The following FRMPD1 variants were observed in gnomAD, a reference collection of about 807,000 sequenced individuals.
FRMPD1 encodes the protein FERM and PDZ domain-containing protein 1.
In FRMPD1, 76 loss-of-function variants were observed where a neutral mutation model predicts 117.8. The observed-to-expected ratio is 0.65, with a 90% CI of 0.54 to 0.78. FRMPD1 has a LOEUF of 0.78. FRMPD1 is among the 30% of genes least tolerant of loss of function. FRMPD1 has a pLI of 0.00. For missense variants in FRMPD1, 1,786 were observed against 1,964.5 expected (o/e 0.91, Z 1.72); for synonymous variants, 783 against 770.4 (o/e 1.02, Z -0.27).
At chr9:37,620,268 G>C in the FRMPD1 span, among the ~76,000 whole-genome samples, 1 of 152,220 alleles carries the variant, frequency 6.6e-6, no homozygotes, top group East Asian at 1.9e-4. Flanking sequence ...CAGCAGAGTA[G>C]AAGGAGCAGT....
At chr9:37,706,284 G>A (rs755179754) in intron 2 of FRMPD1, among the ~76,000 whole-genome samples, 4 of 152,130 alleles carry the variant, frequency 2.6e-5, no homozygotes, top group Non-Finnish European at 5.9e-5. Context: ...GGCTCTGTGA[G>A]ACAGTTTTTC....
the FRMPD1 span, among the ~76,000 whole-genome samples, chr9:37,643,895 C>A: frequency 2.0e-5 from 3 of 152,110 alleles, no homozygotes; most frequent in African/African-American, 7.2e-5. Context: ...TGGACACTCC[C>A]AGAATTAATA....
chr9:37,710,486 G>A (rs1262896976), intron 4 of FRMPD1, among the ~76,000 whole-genome samples: 3 of 152,136 alleles, frequency 2.0e-5, no homozygotes, highest in Non-Finnish European at 4.4e-5. Context: ...AGACAAAGAT[G>A]TCTACTATCT....
At chr9:37,658,255 T>G (rs1228335974) in intron 1 of FRMPD1, among the ~76,000 whole-genome samples, 1 of 152,028 alleles carries the variant, frequency 6.6e-6, no homozygotes, top group East Asian at 1.9e-4. Flanking sequence ...TAGCACAGCC[T>G]GAGGCCAGTT....
chr9:37,611,832 T>A, the FRMPD1 span, among the ~76,000 whole-genome samples: 1 of 152,066 alleles, frequency 6.6e-6, no homozygotes, highest in Non-Finnish European at 1.5e-5. Flanking sequence ...ATGTCTATCT[T>A]CTGTATTCTT....
intron 1 of FRMPD1, among the ~76,000 whole-genome samples, chr9:37,657,460 C>A (rs917001569): frequency 6.6e-6 from 1 of 152,226 alleles, no homozygotes. Context: ...TTCTCTCTGG[C>A]TTTCCCTGGA....
At chr9:37,636,120 C>G in the FRMPD1 span, among the ~76,000 whole-genome samples, 1 of 152,148 alleles carries the variant, frequency 6.6e-6, no homozygotes, top group Non-Finnish European at 1.5e-5. Flanking sequence ...CGCAGCTGGA[C>G]GGCTGGAGCT....
chr9:37,731,186 C>A, intron 9 of FRMPD1, 83 bp downstream of exon 9: 2 of 1,226,054 alleles, frequency 1.6e-6, no homozygotes, highest in Non-Finnish European at 2.4e-6. Flanking sequence ...GAGCTCGAGG[C>A]CATTAAACAA....
chr9:37,626,510 A>G, the FRMPD1 span, among the ~76,000 whole-genome samples: 1 of 149,572 alleles, frequency 6.7e-6, no homozygotes, highest in African/African-American at 2.5e-5. Flanking sequence ...CAAAAAAAAA[A>G]AAAAAAAAAA....
chr9:37,683,695 A>C (rs937427283), intron 1 of FRMPD1, among the ~76,000 whole-genome samples: 1 of 151,548 alleles, frequency 6.6e-6, no homozygotes, highest in Non-Finnish European at 1.5e-5. Context: ...AGGCAGGGCC[A>C]GATCACAAAA....
Position 37,740,775 on chromosome 9 carries a change from C to T in FRMPD1, c.2247C>T (p.Ser749=), listed in dbSNP as rs772352899. The T allele has an allele frequency of 1.1e-5, 17 of 1,614,012 alleles. No homozygotes were observed. In the South Asian group the frequency reaches 1.8e-4, roughly 17 times the overall value. Residue 749 remains serine (S), a synonymous_variant, in exon 15 of 16, where the codon TCC becomes TCT. Transcript: ENST00000377765. The surrounding 1 kb of genome is among the most constrained non-coding windows in gnomAD (Gnocchi z 4.2). Reference sequence around the variant, plus strand: ...GCTGGACTGAGGCCCAGCCCAGTTCCATGCTGGAACCCCTGGCCCTGCACC... The same window carrying T: ...GCTGGACTGAGGCCCAGCCCAGTTCTATGCTGGAACCCCTGGCCCTGCACC... The part of the protein sequence containing the change: ...QQGWTEAQPS[S]MLEPLALHPP...
intron 1 of FRMPD1, among the ~76,000 whole-genome samples, chr9:37,680,761 G>C (rs987459152): frequency 6.6e-6 from 1 of 152,128 alleles, no homozygotes; most frequent in Non-Finnish European, 1.5e-5. Context: ...TTTTTCTCTG[G>C]TCCATGATAA....
intron 5 of FRMPD1, 80 bp downstream of exon 5, chr9:37,711,475 ATAAAG>A (rs1403885170): frequency 3.6e-6 from 4 of 1,101,996 alleles, no homozygotes; most frequent in Non-Finnish European, 5.6e-6. Context: ...GATATCCCTC[ATAAAG>A]TAAGCGGGGA....
At chr9:37,622,977 C>G in the FRMPD1 span, among the ~76,000 whole-genome samples, 1 of 151,242 alleles carries the variant, frequency 6.6e-6, no homozygotes, top group Non-Finnish European at 1.5e-5. Flanking sequence ...AAAGAGGGAT[C>G]TTTTTAAAAA....
chr9:37,695,198 A>G (rs2118052844), intron 2 of FRMPD1, among the ~76,000 whole-genome samples: 1 of 152,320 alleles, frequency 6.6e-6, no homozygotes, highest in Non-Finnish European at 1.5e-5. Context: ...GGGCCACATA[A>G]CAACTCTGTG....
intron 1 of FRMPD1, among the ~76,000 whole-genome samples, chr9:37,652,836 T>A (rs1215529574): frequency 6.6e-6 from 1 of 152,238 alleles, no homozygotes; most frequent in Admixed American, 6.5e-5. Flanking sequence ...GAGAGGCTTG[T>A]GCCACAGGAT....
In FRMPD1 at chr9:37,744,446, G is replaced by A. The variant is rs140582498; in HGVS notation, c.2414G>A (p.Ser805Asn). ...GCCACAAGCTTGCAGAATAAGGCCA[G>A]CACTTCTAGCCCTGAGAACAGCCTG... The part of the protein sequence containing the change: ...PSATSLQNKA[S>N]TSSPENSLPC... The change falls in exon 16 of 16, where the codon AGC becomes AAC. Residue 805 changes from serine to asparagine, a missense_variant. Ser to Asn is a conservative substitution (Grantham distance 46). Coordinates refer to ENST00000377765, the MANE Select transcript of FRMPD1 (RefSeq NM_014907.3). The A allele has an allele frequency of 8.4e-5, 136 of 1,613,946 alleles. No homozygotes were observed. The highest frequency in any genetic ancestry group is 1.1e-4 in the Non-Finnish European group (134 of 1,179,910).
At chr9:37,735,790 G>A (rs1486457117) in intron 13 of FRMPD1, 56 bp downstream of exon 13, 9 of 1,222,620 alleles carry the variant, frequency 7.4e-6, no homozygotes, top group Non-Finnish European at 1.1e-5. Context: ...GGCCAAATAG[G>A]GGCCAGGCTA....
the FRMPD1 span, among the ~76,000 whole-genome samples, chr9:37,616,593 AC>A: frequency 6.6e-6 from 1 of 152,176 alleles, no homozygotes; most frequent in East Asian, 1.9e-4. Flanking sequence ...TGTAAATTCC[AC>A]CTGCACTGAG....
Sources: allele counts gnomAD v4.1 joint callset (sites outside exome capture counted in the v4.1 genomes callset), GRCh38; gene constraint gnomAD v4.1.1; non-coding constraint Gnocchi (gnomAD v3.1); transcripts MANE v1.5; gene names NCBI Gene and HGNC (gene_info 2026-07-23, HGNC 2026-07-21).